Variants in FOXP2 observed in about 807,000 individuals in gnomAD.
FOXP2 encodes the protein forkhead box protein P2.
A neutral mutation model predicts 115.8 loss-of-function variants in FOXP2; 12 were observed. The observed-to-expected ratio is 0.10, with a 90% confidence interval of 0.07 to 0.17. The LOEUF is 0.17. Among genes scored for constraint, FOXP2 ranks in the 10% least tolerant of loss-of-function variants. The probability of loss-of-function intolerance (pLI) is 1.00; values close to 1 mark genes in which losing one functional copy is unlikely to be tolerated. For missense variants in FOXP2, 629 were observed against 843.5 expected, an observed-to-expected ratio of 0.75 and a Z score of 3.15; for synonymous variants, 328 against 297.7, an observed-to-expected ratio of 1.10 and a Z score of -1.05.
chr7:114,090,816 T>C (rs1178249023), intron 1 of FOXP2, among the ~76,000 whole-genome samples: 5 of 151,704 alleles, frequency 3.3e-5, no homozygotes, highest in Non-Finnish European at 7.4e-5. Flanking sequence ...CTTGGAACTT[T>C]TTTTTTTTCA....
At chr7:114,086,566 G>C (rs761497113), upstream of FOXP2, 1 of 411,558 alleles carries the variant, frequency 2.4e-6, no homozygotes, top group Non-Finnish European at 4.8e-6. Context: ...CCTCGCCGCC[G>C]CGGGTGCCAC....
At chr7:114,499,100 C>G (rs544371618) in intron 2 of FOXP2, 24 of 546,664 alleles carry the variant, frequency 4.4e-5, no homozygotes, top group Admixed American at 1.6e-4. Flanking sequence ...GCAGGTAATT[C>G]TGATGCATGC....
chr7:114,681,461 C>T (rs762987402), intron 16 of FOXP2, among the ~76,000 whole-genome samples: 25 of 152,090 alleles, frequency 1.6e-4, no homozygotes, highest in Non-Finnish European at 2.4e-4. Flanking sequence ...TAAGCCCCAA[C>T]GTGCATAGCA....
At chr7:114,273,773 G>A (rs193263266) in intron 1 of FOXP2, among the ~76,000 whole-genome samples, 1 of 152,090 alleles carries the variant, frequency 6.6e-6, no homozygotes, top group East Asian at 1.9e-4. Context: ...CTTTTGATGA[G>A]TGTTAGCATG....
At chr7:114,218,454 G>A (rs527932648) in intron 1 of FOXP2, among the ~76,000 whole-genome samples, 1 of 152,230 alleles carries the variant, frequency 6.6e-6, no homozygotes, top group East Asian at 1.9e-4. Context: ...TATAGGTCTG[G>A]CTTATGGCAG....
At chr7:114,434,511 T>C (rs1057045719) in intron 2 of FOXP2, among the ~76,000 whole-genome samples, 1 of 151,724 alleles carries the variant, frequency 6.6e-6, no homozygotes, top group South Asian at 2.1e-4. Context: ...AAATTTAATA[T>C]TTTTAAAGAA....
At chr7:114,178,163 G>A (rs192165026) in intron 1 of FOXP2, among the ~76,000 whole-genome samples, 209 of 151,902 alleles carry the variant, frequency 1.4e-3, no homozygotes, top group Non-Finnish European at 2.2e-3. Flanking sequence ...ATTCTTTGCA[G>A]CTCCTGGCAT....
chr7:114,460,163 T>C (rs1026885551), intron 2 of FOXP2, among the ~76,000 whole-genome samples: 3 of 152,184 alleles, frequency 2.0e-5, no homozygotes, highest in Non-Finnish European at 2.9e-5. Flanking sequence ...TTTATTGAGC[T>C]CCTGCGAGGT....
chr7:114,473,802 C>A (rs951347904), intron 2 of FOXP2, among the ~76,000 whole-genome samples: 25 of 152,090 alleles, frequency 1.6e-4, no homozygotes, highest in African/African-American at 5.1e-4. Context: ...TCCCACAGAG[C>A]CTACTAATTT....
intron 1 of FOXP2, among the ~76,000 whole-genome samples, chr7:114,244,402 C>G (rs565186085): frequency 2.6e-5 from 4 of 152,252 alleles, no homozygotes; most frequent in African/African-American, 9.6e-5. Flanking sequence ...CCTTAAGCTC[C>G]TCTTGGATGG....
At position 114,179,329 on chromosome 7, in the gene FOXP2, T is replaced by C. The variant is rs181979898; in HGVS notation, c.-102+16241T>C. On this transcript the variant is annotated intron_variant, in intron 1 of 17. Coordinates refer to the FOXP2 transcript ENST00000634411. ...ACAGTTTCATTATTGAGATGAATAC[T>C]AATGTGTGTATTGTTTATATGCAGA... is the stretch of plus-strand genomic sequence containing the variant. Among the ~76,000 whole-genome samples the C allele has an allele frequency of 3.6e-3, 549 of 152,156 alleles. 1 individual carries two copies. Among genetic ancestry groups the C allele is most frequent in the Middle Eastern group, 6.8e-3 (2 of 294 alleles).
intron 1 of FOXP2, among the ~76,000 whole-genome samples, chr7:114,167,935 CAAAA>C (rs34195375): frequency 1.2e-5 from 1 of 83,598 alleles, no homozygotes. Context: ...GACTCCATCT[CAAAA>C]AAAAAAAAAA....
chr7:114,237,561 C>G (rs576915280), intron 1 of FOXP2, among the ~76,000 whole-genome samples: 2 of 152,000 alleles, frequency 1.3e-5, no homozygotes, highest in Non-Finnish European at 2.9e-5. Context: ...GCTCTTGAAC[C>G]ACGTGCTCAG....
intron 2 of FOXP2, among the ~76,000 whole-genome samples, chr7:114,436,120 A>C (rs966313425): frequency 6.6e-6 from 1 of 152,122 alleles, no homozygotes; most frequent in African/African-American, 2.4e-5. Context: ...AATACTAATT[A>C]TTGGCTATGT....
intron 10 of FOXP2, among the ~76,000 whole-genome samples, chr7:114,657,526 A>C (rs1806651924): frequency 6.6e-6 from 1 of 152,192 alleles, no homozygotes; most frequent in Non-Finnish European, 1.5e-5. Flanking sequence ...ATTTTGTTTG[A>C]ATATGTAGTA....
intron 2 of FOXP2, among the ~76,000 whole-genome samples, chr7:114,500,395 A>T (rs1797516220): frequency 6.6e-6 from 1 of 151,982 alleles, no homozygotes; most frequent in South Asian, 2.1e-4. Flanking sequence ...CCATTGTTTC[A>T]TGGGGCTTGA....
chr7:114,674,626 A>G (rs1053689865), intron 16 of FOXP2, among the ~76,000 whole-genome samples: 2 of 152,206 alleles, frequency 1.3e-5, no homozygotes, highest in Admixed American at 6.5e-5. Context: ...GGAATAAAGA[A>G]CTACATAAGT....
intron 2 of FOXP2, among the ~76,000 whole-genome samples, chr7:114,436,874 T>C (rs1794374889): frequency 6.6e-6 from 1 of 152,156 alleles, no homozygotes; most frequent in Non-Finnish European, 1.5e-5. Context: ...TTCCTTACTC[T>C]GGCTTATAAT....
At chr7:114,385,351 C>T (rs1224518836) in intron 2 of FOXP2, among the ~76,000 whole-genome samples, 1 of 152,162 alleles carries the variant, frequency 6.6e-6, no homozygotes, top group East Asian at 1.9e-4. Flanking sequence ...TGCGGCTACG[C>T]TTTCAAGAAA....
Sources: gnomAD v4.1 joint callset for allele counts (sites outside exome capture counted in the v4.1 genomes callset) on GRCh38, gnomAD v4.1.1 for gene constraint, MANE v1.5 for transcripts, NCBI Gene and HGNC (gene_info 2026-07-23, HGNC 2026-07-21) for gene names.